Variants in RAPGEF2 observed in about 807,000 individuals in gnomAD.
RAPGEF2 encodes the protein PDZ domain containing guanine nucleotide exchange factor (GEF) 1.
Under a neutral mutation model 186.7 loss-of-function variants are expected in RAPGEF2, and 54 were observed. The ratio of observed to expected loss-of-function variants is 0.29; its 90% CI spans 0.23 to 0.36. The LOEUF (loss-of-function observed/expected upper bound fraction) is 0.36, where lower values mean the gene tolerates loss of function less well. RAPGEF2 is among the 10% of genes least tolerant of loss of function. The probability of loss-of-function intolerance (pLI) is 1.00; values close to 1 mark genes in which losing one functional copy is unlikely to be tolerated. For synonymous variants in RAPGEF2, 712 were observed against 705.9 expected, an observed-to-expected ratio of 1.01 and a Z score of -0.14; for missense variants, 1,532 against 2,045.0, an observed-to-expected ratio of 0.75 and a Z score of 4.84.
At position 159,133,571 on chromosome 4, in the gene RAPGEF2, G is replaced by A. The variant is rs140175686; in HGVS notation, c.69+29340G>A. Among the ~76,000 whole-genome samples the A allele has an allele frequency of 4.0e-3, 567 of 142,632 alleles. 1 individual carries two copies. The highest frequency in any genetic ancestry group is 0.014 in the African/African-American group (527 of 38,042). 93.6% of individuals were successfully genotyped at this position (142,632 alleles called of 152,430 possible). ...GGATTACGGGCGCCTGCCACCACGCGTGGCTACTTTTTTGTATATTATTTA... is the reference window on the plus strand; with the variant it reads ...GGATTACGGGCGCCTGCCACCACGCATGGCTACTTTTTTGTATATTATTTA... On this transcript the variant is annotated intron_variant, in intron 1 of 29. Coordinates refer to ENST00000691494, the MANE Select transcript of RAPGEF2 (RefSeq NM_001394067.2).
intron 1 of RAPGEF2, among the ~76,000 whole-genome samples, chr4:159,133,106 T>C (rs576464417): frequency 3.8e-4 from 58 of 152,282 alleles, no homozygotes; most frequent in African/African-American, 1.3e-3. Context: ...TCTGCCCTTT[T>C]ATTTATTTAA....
At chr4:159,250,886 C>T (rs1440281492) in intron 7 of RAPGEF2, among the ~76,000 whole-genome samples, 1 of 152,084 alleles carries the variant, frequency 6.6e-6, no homozygotes, top group Non-Finnish European at 1.5e-5. Flanking sequence ...TGGGCGTGGC[C>T]GGAGCCGGCT....
chr4:159,115,975 A>G (rs567239746), intron 1 of RAPGEF2, among the ~76,000 whole-genome samples: 1 of 152,224 alleles, frequency 6.6e-6, no homozygotes, highest in Non-Finnish European at 1.5e-5. Context: ...ACCCACAACT[A>G]TAAAAACCCT....
intron 3 of RAPGEF2, among the ~76,000 whole-genome samples, chr4:159,203,490 A>G (rs1749661596): frequency 6.6e-6 from 1 of 152,226 alleles, no homozygotes; most frequent in Non-Finnish European, 1.5e-5. Context: ...GCTGGAAGAA[A>G]GCGACTCACT....
At chr4:159,223,593 T>C (rs1339533607) in intron 4 of RAPGEF2, among the ~76,000 whole-genome samples, 1 of 152,176 alleles carries the variant, frequency 6.6e-6, no homozygotes, top group Non-Finnish European at 1.5e-5. Context: ...CTTAATTCAG[T>C]TTTACACACA....
intron 7 of RAPGEF2, chr4:159,267,823 T>G (rs955392463): frequency 9.5e-7 from 1 of 1,048,492 alleles, no homozygotes; most frequent in African/African-American, 1.7e-5. Flanking sequence ...CCTTTTCTTT[T>G]GCCTCTTGTT....
chr4:159,335,622 C>G (rs1160687610), intron 17 of RAPGEF2, among the ~76,000 whole-genome samples: 1 of 151,838 alleles, frequency 6.6e-6, no homozygotes, highest in Non-Finnish European at 1.5e-5. Flanking sequence ...CCGAGGCGGT[C>G]GGATCACGAG....
At chr4:159,229,681 T>C (rs1051701135) in intron 4 of RAPGEF2, among the ~76,000 whole-genome samples, 2 of 152,222 alleles carry the variant, frequency 1.3e-5, no homozygotes, top group Admixed American at 6.5e-5. Context: ...TGTAGAAATA[T>C]TTAACTTAGT....
intron 22 of RAPGEF2, 150 bp downstream of exon 22, chr4:159,343,554 T>C (rs1729847124): frequency 9.7e-7 from 1 of 1,032,318 alleles, no homozygotes; most frequent in Admixed American, 2.8e-5. Flanking sequence ...CTGTGAGCTC[T>C]AATTTGGAAT....
chr4:159,240,481 G>A (rs1301117631), intron 5 of RAPGEF2, among the ~76,000 whole-genome samples: 1 of 151,584 alleles, frequency 6.6e-6, no homozygotes, highest in African/African-American at 2.4e-5. Context: ...TTACAGGCAC[G>A]TGCCACCACA....
intron 7 of RAPGEF2, among the ~76,000 whole-genome samples, chr4:159,294,865 A>T (rs540068705): frequency 6.6e-6 from 1 of 151,922 alleles, no homozygotes; most frequent in Non-Finnish European, 1.5e-5. Flanking sequence ...GCTAATTTTT[A>T]TATTTTTAGT....
intron 1 of RAPGEF2, among the ~76,000 whole-genome samples, chr4:159,114,807 A>C (rs1389253172): frequency 6.6e-6 from 1 of 152,146 alleles, no homozygotes; most frequent in African/African-American, 2.4e-5. Context: ...TGACCTTAAA[A>C]ATTCTTTAAA....
chr4:159,121,055 G>A (rs1433632723), intron 1 of RAPGEF2, among the ~76,000 whole-genome samples: 5 of 151,968 alleles, frequency 3.3e-5, no homozygotes, highest in Non-Finnish European at 7.4e-5. Flanking sequence ...GAGTTTCACC[G>A]TGTTGGCCAG....
At chr4:159,147,550 AT>A in intron 1 of RAPGEF2, among the ~76,000 whole-genome samples, 1 of 152,210 alleles carries the variant, frequency 6.6e-6, no homozygotes, top group African/African-American at 2.4e-5. Context: ...GATATTAAAT[AT>A]TTATAATGAA....
chr4:159,255,042 A>G (rs1459911712), intron 7 of RAPGEF2, among the ~76,000 whole-genome samples: 2 of 152,306 alleles, frequency 1.3e-5, no homozygotes, highest in South Asian at 2.1e-4. Context: ...ACATATACAA[A>G]TACTATTGTA....
chr4:159,135,351 C>A (rs1741608265), intron 1 of RAPGEF2, among the ~76,000 whole-genome samples: 3 of 151,052 alleles, frequency 2.0e-5, no homozygotes, highest in Admixed American at 1.3e-4. Context: ...TGGCCCAGTT[C>A]ATTTCTTTTT....
chr4:159,132,686 C>T (rs1464800979), intron 1 of RAPGEF2, among the ~76,000 whole-genome samples: 1 of 152,078 alleles, frequency 6.6e-6, no homozygotes, highest in East Asian at 1.9e-4. Flanking sequence ...TTATTTTCTT[C>T]ATTTTTGTGG....
intron 7 of RAPGEF2, among the ~76,000 whole-genome samples, chr4:159,266,342 CA>C (rs1266948611): frequency 6.6e-6 from 1 of 152,060 alleles, no homozygotes; most frequent in African/African-American, 2.4e-5. Context: ...GTTCCAAAGT[CA>C]ATTATTAAAA....
chr4:159,104,032 C>A lies in RAPGEF2; in HGVS notation c.-131C>A. ...CCCCCCGCGGGCCCCGCGCCGCCGC[C>A]GCCGCGGTTTGGCTGATTAGTCGCG... On this transcript the variant is annotated 5_prime_UTR_variant, in exon 1 of 30. Coordinates refer to ENST00000691494, the MANE Select transcript of RAPGEF2 (RefSeq NM_001394067.2). 1 of 318,650 alleles carries A rather than the reference C, an allele frequency of 3.1e-6. No individual in the cohort carries two copies. Among genetic ancestry groups the A allele is most frequent in the Non-Finnish European group, 4.6e-6 (1 of 218,838 alleles). The allele number at this position is 318,650 out of a possible 1,614,324, so 19.7% of individuals were successfully genotyped here.
Sources: allele counts gnomAD v4.1 joint callset (sites outside exome capture counted in the v4.1 genomes callset), GRCh38; gene constraint gnomAD v4.1.1; transcripts MANE v1.5; gene names NCBI Gene and HGNC (gene_info 2026-07-23, HGNC 2026-07-21).